MYOF: variants seen among roughly 807,000 people sequenced by gnomAD.
MYOF encodes the protein myoferlin, also known as fer-1-like 3, myoferlin.
A neutral mutation model predicts 284.2 loss-of-function variants in MYOF; 244 were observed. The ratio of observed to expected loss-of-function variants is 0.86; its 90% CI spans 0.77 to 0.95. The LOEUF (loss-of-function observed/expected upper bound fraction) is 0.95, where lower values mean the gene tolerates loss of function less well. Ranked by LOEUF, MYOF falls within the 40% of genes least tolerant of loss-of-function variation. MYOF has a pLI of 0.00. For missense variants in MYOF, 2,496 were observed against 2,560.6 expected (o/e 0.97, Z 0.54); for synonymous variants, 904 against 919.7 (o/e 0.98, Z 0.31).
chr10:93,366,308 T>C, intron 26 of MYOF, 84 bp downstream of exon 26: 1 of 1,405,084 alleles, frequency 7.1e-7, no homozygotes, highest in South Asian at 1.2e-5. Flanking sequence ...ATTATCAAGA[T>C]GATGACGGAG....
At chr10:93,459,914 G>A (rs1464276321) in intron 1 of MYOF, among the ~76,000 whole-genome samples, 1 of 152,108 alleles carries the variant, frequency 6.6e-6, no homozygotes, top group Non-Finnish European at 1.5e-5. Flanking sequence ...CCATAACCGG[G>A]GCTTGGGGGG....
At chr10:93,418,733 A>G (rs1848239048) in intron 5 of MYOF, among the ~76,000 whole-genome samples, 1 of 152,222 alleles carries the variant, frequency 6.6e-6, no homozygotes, top group Non-Finnish European at 1.5e-5. Context: ...GATGAGCTAT[A>G]TTAAACTCTC....
intron 16 of MYOF, among the ~76,000 whole-genome samples, chr10:93,393,345 T>G (rs1846794883): frequency 6.6e-6 from 1 of 152,208 alleles, no homozygotes; most frequent in Non-Finnish European, 1.5e-5. Flanking sequence ...TCTGAGGCTG[T>G]GTAAGCAAAG....
intron 25 of MYOF, among the ~76,000 whole-genome samples, chr10:93,369,188 G>T (rs945017256): frequency 7.3e-6 from 1 of 136,666 alleles, no homozygotes; most frequent in Admixed American, 8.2e-5. Flanking sequence ...GTCTTCAGGG[G>T]TTTTAAGACA....
At chr10:93,329,019 A>G in intron 44 of MYOF, 108 bp from the exon 45 acceptor site, 1 of 1,099,370 alleles carries the variant, frequency 9.1e-7, no homozygotes, top group Non-Finnish European at 1.3e-6. Flanking sequence ...TAGTGGGTGC[A>G]GAAAATCTGC....
intron 53 of MYOF, 120 bp downstream of exon 53, chr10:93,309,900 A>T: frequency 8.0e-7 from 1 of 1,252,482 alleles, no homozygotes; most frequent in Non-Finnish European, 1.1e-6. Flanking sequence ...CAGAAGGGTT[A>T]CAACCCCATG....
Position 93,366,632 on chromosome 10 carries a change from C to A in MYOF, c.2590-77G>T, listed in dbSNP as rs879179533. On this transcript the variant is annotated intron_variant, in intron 25 of 53. Transcript: ENST00000359263. The stretch of plus-strand genomic sequence containing the variant: ...AAGCTAGCACATACATTTTCAAGTT[C>A]ATCGAGGACTTAGGCTAGACAACTA... 2.6e-5 allele frequency: 33 copies of A among 1,281,956 alleles called. No individual in the cohort carries two copies. In the African/African-American group the frequency reaches 2.7e-4, roughly 10 times the overall value. 79.4% of individuals were successfully genotyped at this position (1,281,956 alleles called of 1,614,324 possible).
intron 44 of MYOF, among the ~76,000 whole-genome samples, chr10:93,329,256 A>G (rs1609572): frequency 0.57 from 86,957 of 152,040 alleles, 26,261 homozygotes; most frequent in East Asian, 0.91. Context: ...GACACTGTAT[A>G]CCAGGCAGGG....
Position 93,319,913 on chromosome 10 carries a change from C to T in MYOF, c.5557G>A (p.Asp1853Asn), listed in dbSNP as rs376023660. The T allele has an allele frequency of 6.9e-5, 111 of 1,614,070 alleles. No individual in the cohort carries two copies. Among genetic ancestry groups the T allele is most frequent in the Non-Finnish European group, 8.7e-5 (103 of 1,180,034 alleles). ...CAGAGTTGTTCGGCTGGAAGGTAGT[C>T]AAACGGGAAAACAAATCGCCAGTTA... is the stretch of plus-strand genomic sequence containing the variant. ...NFNWRFVFPF[D>N]YLPAEQLCIV... Residue 1853 changes from aspartate to asparagine, a missense_variant, in exon 49 of 54, where the codon GAC becomes AAC. Physicochemically the swap from Asp to Asn is conservative, Grantham distance 23 (BLOSUM62 1). Transcript: ENST00000359263.
Position 93,351,900 on chromosome 10 carries a change from A to G in MYOF, c.3482-54T>C. 4 of 1,456,498 alleles carry G rather than the reference A, an allele frequency of 2.7e-6. No homozygotes were observed. In the Admixed American group the frequency reaches 6.9e-5, roughly 25 times the overall value. 90.2% of individuals were successfully genotyped at this position (1,456,498 alleles called of 1,614,324 possible). On this transcript the variant is annotated intron_variant, in intron 32 of 53. Transcript: ENST00000359263. Reference sequence around the variant, plus strand: ...GGCCACGGCTAAAATCTAACTCCCCAGAACCACTCAGTGCAACCATATTCT... The same window carrying G: ...GGCCACGGCTAAAATCTAACTCCCCGGAACCACTCAGTGCAACCATATTCT...
chr10:93,408,778 C>G lies in MYOF; in HGVS notation c.729+9G>C. 4.3e-6 allele frequency: 7 copies of G among 1,614,090 alleles called. No individual in the cohort carries two copies. Among genetic ancestry groups the G allele is most frequent in the Non-Finnish European group, 5.9e-6 (7 of 1,180,000 alleles). Reference sequence around the variant, plus strand: ...CATGAGCAGAAACATGCCCTCTCAACCCCTTTACCTCATCAAAAAAAGGGT... The same window carrying G: ...CATGAGCAGAAACATGCCCTCTCAAGCCCTTTACCTCATCAAAAAAAGGGT... On this transcript the variant is annotated intron_variant, in intron 7 of 53. Transcript: ENST00000359263.
Position 93,354,122 on chromosome 10 carries a change from C to T in MYOF, c.3404-234G>A, listed in dbSNP as rs374531568. On this transcript the variant is annotated intron_variant, in intron 31 of 53. Coordinates refer to ENST00000359263, the MANE Select transcript of MYOF (RefSeq NM_013451.4). The stretch of plus-strand genomic sequence containing the variant: ...GGGTGCAGTGGCTCATGCCTGTAAT[C>T]CCAGAACTTTGGGAGTCCTAGGCAG... Among the ~76,000 whole-genome samples the T allele has an allele frequency of 5.9e-5, 9 of 152,268 alleles. No homozygotes were observed. The South Asian group carries it at 1.9e-3, about 32-fold the overall frequency.
At chr10:93,356,940 C>T (rs1036699160) in intron 29 of MYOF, 92 bp from the exon 30 acceptor site, 1 of 1,278,418 alleles carries the variant, frequency 7.8e-7, no homozygotes, top group Non-Finnish European at 1.1e-6. Flanking sequence ...TCAACAGATA[C>T]ACAGTATTCA....
At position 93,404,215 on chromosome 10, in the gene MYOF, A is replaced by G. The variant is rs778168720; in HGVS notation, c.734T>C (p.Phe245Ser). 34 of 1,613,944 alleles carry G rather than the reference A, an allele frequency of 2.1e-5. No homozygotes were observed. The South Asian group carries it at 3.3e-4, about 16-fold the overall frequency. ...RGNNPFFDEL[F>S]FYNVNMTPSE... Reference sequence around the variant, plus strand: ...AGGGGTCATGTTGACATTGTAGAAAAACAACTGCCAAAACAATAGAGCAGA... The same window carrying G: ...AGGGGTCATGTTGACATTGTAGAAAGACAACTGCCAAAACAATAGAGCAGA... Residue 245 changes from phenylalanine to serine, a missense_variant, in exon 8 of 54, where the codon TTT (phenylalanine) becomes TCT (serine). Phe to Ser is a radical substitution (Grantham distance 155, BLOSUM62 -2). This residue lies in a region of MYOF where 2,436 missense variants were observed against 2,480.7 expected (regional missense o/e 0.98). Transcript: ENST00000359263.
chr10:93,403,309 T>C (rs889963559), intron 9 of MYOF, among the ~76,000 whole-genome samples: 1 of 152,204 alleles, frequency 6.6e-6, no homozygotes, highest in Non-Finnish European at 1.5e-5. Flanking sequence ...AATATAACCA[T>C]TGACTGGGCA....
At chr10:93,351,938 A>C (rs1844542032) in intron 32 of MYOF, 92 bp from the exon 33 acceptor site, 1 of 1,214,690 alleles carries the variant, frequency 8.2e-7, no homozygotes. Flanking sequence ...TCCTCTGGAT[A>C]TAATGACAGT....
chr10:93,319,501 T>TTTAATA, intron 49 of MYOF, among the ~76,000 whole-genome samples: 1 of 152,278 alleles, frequency 6.6e-6, no homozygotes, highest in Non-Finnish European at 1.5e-5. Context: ...GGATACCCAC[T>TTTAATA]TTAATACTGG....
At chr10:93,374,989 T>G in intron 22 of MYOF, 34 bp from the exon 23 acceptor site, 1 of 1,587,800 alleles carries the variant, frequency 6.3e-7, no homozygotes. Context: ...AACAGAGGAT[T>G]TGAAGAATAA....
At chr10:93,470,143 C>T (rs1389680421) in intron 1 of MYOF, among the ~76,000 whole-genome samples, 10 of 150,534 alleles carry the variant, frequency 6.6e-5, no homozygotes, top group Admixed American at 2.0e-4. Context: ...GTAGGAGAAT[C>T]GCTTGACCCC....
Sources: gnomAD v4.1 joint callset for allele counts (sites outside exome capture counted in the v4.1 genomes callset) on GRCh38, gnomAD v4.1.1 for gene constraint, gnomAD v4.1.1 regional missense constraint, MANE v1.5 for transcripts, NCBI Gene and HGNC (gene_info 2026-07-23, HGNC 2026-07-21) for gene names.